Variants in CDH6 observed in about 807,000 individuals in gnomAD.
CDH6 encodes the protein cadherin-6.
Under a neutral mutation model 78.0 loss-of-function variants are expected in CDH6, and 31 were observed. The ratio of observed to expected loss-of-function variants is 0.40; its 90% CI spans 0.30 to 0.54. The LOEUF (loss-of-function observed/expected upper bound fraction) is 0.54. CDH6 is among the 20% of genes least tolerant of loss of function. The probability of loss-of-function intolerance (pLI) is 0.56; values close to 1 mark genes in which losing one functional copy is unlikely to be tolerated. For synonymous variants in CDH6, 376 were observed against 368.8 expected, an observed-to-expected ratio of 1.02 and a Z score of -0.23; for missense variants, 724 against 975.9, an observed-to-expected ratio of 0.74 and a Z score of 3.44.
At chr5:31,307,809 A>T (rs1415672597) in intron 7 of CDH6, among the ~76,000 whole-genome samples, 3 of 152,192 alleles carry the variant, frequency 2.0e-5, no homozygotes, top group African/African-American at 7.2e-5. Flanking sequence ...AATTCAGGCA[A>T]TATATTTCCA....
At chr5:31,202,942 A>C (rs970280213) in intron 1 of CDH6, among the ~76,000 whole-genome samples, 4 of 151,990 alleles carry the variant, frequency 2.6e-5, no homozygotes, top group African/African-American at 9.7e-5. Flanking sequence ...AATACCAATC[A>C]AAATGGCTTG....
intron 2 of CDH6, among the ~76,000 whole-genome samples, chr5:31,284,696 T>C (rs1742967430): frequency 6.6e-6 from 1 of 152,212 alleles, no homozygotes; most frequent in Non-Finnish European, 1.5e-5. Context: ...GGACGTGAGA[T>C]GTAGCTATTC....
At position 31,319,179 on chromosome 5, in the gene CDH6, T is replaced by C. The variant is rs149543793; in HGVS notation, c.1882+1255T>C. 1.9e-3 allele frequency: 333 copies of C among 173,988 alleles called. 4 individuals carry two copies. The highest frequency in any genetic ancestry group is 3.1e-3 in the Non-Finnish European group (248 of 80,478). 10.8% of individuals were successfully genotyped at this position (173,988 alleles called of 1,614,324 possible). On this transcript the variant is annotated intron_variant, in intron 11 of 11. Coordinates refer to ENST00000265071, the MANE Select transcript of CDH6 (RefSeq NM_004932.4). ...TACCCAAGGAGTATTCCATGGACTC[T>C]TTTTGTCATCTGTGGAAGGAGAGAT...
chr5:31,279,037 C>T (rs897771681), intron 2 of CDH6, among the ~76,000 whole-genome samples: 1 of 152,062 alleles, frequency 6.6e-6, no homozygotes, highest in Non-Finnish European at 1.5e-5. Context: ...GGATCAACAT[C>T]CCCCAGGCAG....
At chr5:31,196,033 C>T (rs1044500623) in intron 1 of CDH6, among the ~76,000 whole-genome samples, 4 of 152,154 alleles carry the variant, frequency 2.6e-5, no homozygotes, top group Non-Finnish European at 2.9e-5. Context: ...TACTATCTGG[C>T]TTTTACACCA....
chr5:31,203,457 C>A (rs1477634658), intron 1 of CDH6, among the ~76,000 whole-genome samples: 1 of 129,940 alleles, frequency 7.7e-6, no homozygotes, highest in Non-Finnish European at 1.6e-5. Context: ...TCCATGTGAT[C>A]TCATTGTTCA....
chr5:31,308,430 C>A (rs1738052555), intron 7 of CDH6, among the ~76,000 whole-genome samples: 2 of 40,044 alleles, frequency 5.0e-5, no homozygotes, highest in African/African-American at 4.7e-5. Context: ...CAATGAAGTC[C>A]TGAAAAAAAA....
chr5:31,230,931 A>G (rs1741296422), intron 1 of CDH6, among the ~76,000 whole-genome samples: 1 of 152,238 alleles, frequency 6.6e-6, no homozygotes, highest in Non-Finnish European at 1.5e-5. Context: ...TGTTAAGACG[A>G]ACAAACTCTT....
intron 2 of CDH6, among the ~76,000 whole-genome samples, chr5:31,290,465 A>G (rs1379641726): frequency 6.6e-6 from 1 of 152,238 alleles, no homozygotes; most frequent in East Asian, 1.9e-4. Flanking sequence ...GAACAGCCAC[A>G]TTAAACTGAA....
At position 31,325,739 on chromosome 5, in the gene CDH6, C is replaced by A. The variant is rs537618694; in HGVS notation, c.*2431C>A. The A allele has an allele frequency of 1.6e-4, 37 of 230,650 alleles. 2 individuals are homozygous for A. In the South Asian group the frequency reaches 6.6e-3, roughly 41 times the overall value. 14.3% of individuals were successfully genotyped at this position (230,650 alleles called of 1,614,324 possible). A position where few individuals can be genotyped will look rare whatever the true frequency, so the allele number is the denominator to read the frequency against. The stretch of plus-strand genomic sequence containing the variant: ...CCCTCCCTGCAGATGACACAGCATA[C>A]CAAGAACAGGTTAATATGATTACTT... On this transcript the variant is annotated 3_prime_UTR_variant, in exon 12 of 12. Transcript: ENST00000265071.
At chr5:31,259,462 A>G (rs774451172) in intron 1 of CDH6, among the ~76,000 whole-genome samples, 2 of 152,200 alleles carry the variant, frequency 1.3e-5, no homozygotes, top group African/African-American at 2.4e-5. Context: ...TAGCTCATAG[A>G]AATCATCCAT....
In CDH6 at chr5:31,227,098, C is replaced by T. The variant is rs114804034; in HGVS notation, c.-129+33212C>T. 8.0e-3 allele frequency among the ~76,000 whole-genome samples: 1,214 copies of T among 152,240 alleles called. 19 individuals are homozygous for T. The highest frequency in any genetic ancestry group is 0.028 in the African/African-American group (1,150 of 41,546). On this transcript the variant is annotated intron_variant, in intron 1 of 11. Transcript: ENST00000265071. ...TCTTAAAACAGGGCTCCTCAAACTC[C>T]AAAGCACACAAATCTCCCTGCCTAG...
chr5:31,277,436 C>T (rs1477252351), intron 2 of CDH6, among the ~76,000 whole-genome samples: 2 of 152,264 alleles, frequency 1.3e-5, no homozygotes, highest in East Asian at 3.9e-4. Flanking sequence ...GAATCGTTAT[C>T]ACAGTTAAGT....
intron 2 of CDH6, among the ~76,000 whole-genome samples, chr5:31,268,075 C>A (rs1742412661): frequency 6.6e-6 from 1 of 152,180 alleles, no homozygotes; most frequent in Non-Finnish European, 1.5e-5. Context: ...TCCTTTTTCT[C>A]TCATTCTAAA....
intron 1 of CDH6, among the ~76,000 whole-genome samples, chr5:31,257,287 A>C (rs1041009823): frequency 6.6e-6 from 1 of 152,000 alleles, no homozygotes; most frequent in Admixed American, 6.6e-5. Context: ...CTCAGCCTCC[A>C]GAGTAGCTGG....
chr5:31,281,452 C>T (rs1276403861), intron 2 of CDH6, among the ~76,000 whole-genome samples: 1 of 152,066 alleles, frequency 6.6e-6, no homozygotes, highest in Non-Finnish European at 1.5e-5. Flanking sequence ...CAACGCCTTA[C>T]TCAATCAATT....
Position 31,312,289 on chromosome 5 carries a change from G to A in CDH6, c.1254-1029G>A, listed in dbSNP as rs563455251. On this transcript the variant is annotated intron_variant, in intron 7 of 11. Transcript: ENST00000265071. ...AAAATGGAACTTACCCATCTTCCCC[G>A]AATCCTGTTTTTCACTCCTTTTTTC... Among the ~76,000 whole-genome samples the A allele has an allele frequency of 3.3e-3, 510 of 152,244 alleles. 1 individual carries two copies. Among genetic ancestry groups the A allele is most frequent in the South Asian group, 7.7e-3 (37 of 4,828 alleles).
At position 31,215,124 on chromosome 5, in the gene CDH6, T is replaced by G. The variant is rs1199628378; in HGVS notation, c.-129+21238T>G. On this transcript the variant is annotated intron_variant, in intron 1 of 11. Coordinates refer to ENST00000265071, the MANE Select transcript of CDH6 (RefSeq NM_004932.4). Reference sequence around the variant, plus strand: ...CAATCAACTAGTTAGTGATGCTTTCTGACACTTTGTTTATTGAAAACACTT... The same window carrying G: ...CAATCAACTAGTTAGTGATGCTTTCGGACACTTTGTTTATTGAAAACACTT... Among the ~76,000 whole-genome samples, 3 of 152,350 alleles carry G rather than the reference T, an allele frequency of 2.0e-5. No individual in the cohort carries two copies. The East Asian group carries it at 5.8e-4, about 29-fold the overall frequency.
Position 31,316,258 on chromosome 5 carries a change from G to C in CDH6, c.1441G>C (p.Val481Leu). The change falls in exon 9 of 12, where the codon GTC (valine) becomes CTC (leucine). Residue 481 changes from valine to leucine, a missense_variant. Physicochemically the swap from Val to Leu is conservative, Grantham distance 32 (BLOSUM62 1). This residue lies in a region of CDH6 where 446 missense variants were observed against 684.5 expected (regional missense o/e 0.65). Coordinates refer to ENST00000265071, the MANE Select transcript of CDH6 (RefSeq NM_004932.4). The stretch of plus-strand genomic sequence containing the variant: ...ACCTCTATATATTAAAGTTCTAGAT[G>C]TCAATGACAACGCCCCAGAATTTGC... ...RVPLYIKVLD[V>L]NDNAPEFAEF... is the part of the protein sequence containing the mutation. 1 of 1,613,366 alleles carries C rather than the reference G, an allele frequency of 6.2e-7. No individual in the cohort carries two copies. The highest frequency in any genetic ancestry group is 2.2e-5 in the East Asian group (1 of 44,826).
Sources: allele counts gnomAD v4.1 joint callset (sites outside exome capture counted in the v4.1 genomes callset), GRCh38; gene constraint gnomAD v4.1.1; regional missense constraint gnomAD v4.1.1; transcripts MANE v1.5; gene names NCBI Gene and HGNC (gene_info 2026-07-23, HGNC 2026-07-21).